Variants in ZHX3 observed in about 807,000 individuals in gnomAD.
ZHX3 encodes the protein zinc fingers and homeoboxes 3.
In ZHX3, 20 loss-of-function variants were observed where a neutral mutation model predicts 64.5. The ratio of observed to expected loss-of-function variants is 0.31; its 90% CI spans 0.22 to 0.45. The LOEUF (loss-of-function observed/expected upper bound fraction) is 0.45, where lower values mean the gene tolerates loss of function less well. Among genes scored for constraint, ZHX3 ranks in the 20% least tolerant of loss-of-function variants. The pLI, the probability that ZHX3 is intolerant of heterozygous loss-of-function variation, is 1.00. For missense variants in ZHX3, 1,041 were observed against 1,195.8 expected (o/e 0.87, Z 1.91); for synonymous variants, 423 against 461.6 (o/e 0.92, Z 1.07).
At chr20:41,315,709 A>G (rs1411351708) in intron 1 of ZHX3, among the ~76,000 whole-genome samples, 2 of 152,108 alleles carry the variant, frequency 1.3e-5, no homozygotes, top group Non-Finnish European at 2.9e-5. Context: ...ATCTCTCATA[A>G]TCTAGTTATA....
chr20:41,262,388 C>T (rs964695018), intron 2 of ZHX3, among the ~76,000 whole-genome samples: 4 of 152,346 alleles, frequency 2.6e-5, no homozygotes, highest in East Asian at 1.9e-4. Flanking sequence ...TCATCTCCAT[C>T]ATCTCCAGCC....
intron 2 of ZHX3, among the ~76,000 whole-genome samples, chr20:41,209,253 G>C (rs921806577): frequency 3.0e-4 from 45 of 152,246 alleles, no homozygotes; most frequent in African/African-American, 1.1e-3. Flanking sequence ...TTGTGAAAAT[G>C]GCCATACTGC....
intron 1 of ZHX3, among the ~76,000 whole-genome samples, chr20:41,270,670 C>T (rs1033569247): frequency 3.1e-5 from 4 of 127,848 alleles, no homozygotes; most frequent in African/African-American, 1.1e-4. Context: ...AGTGAGACTC[C>T]GTCTCAGAAA....
chr20:41,301,850 C>T (rs905278317), intron 1 of ZHX3, among the ~76,000 whole-genome samples: 1 of 151,668 alleles, frequency 6.6e-6, no homozygotes, highest in Admixed American at 6.6e-5. Flanking sequence ...GTCAGGAGAT[C>T]GAGACCATCC....
At chr20:41,222,267 C>A (rs2039993644) in intron 2 of ZHX3, among the ~76,000 whole-genome samples, 1 of 152,112 alleles carries the variant, frequency 6.6e-6, no homozygotes. Flanking sequence ...ACATTGTAGC[C>A]ACGGGAATCA....
chr20:41,298,877 C>A (rs2044669365), intron 1 of ZHX3, among the ~76,000 whole-genome samples: 1 of 152,112 alleles, frequency 6.6e-6, no homozygotes, highest in Admixed American at 6.5e-5. Context: ...ATGGGAAAGA[C>A]TAAGGAAGTC....
Position 41,185,023 on chromosome 20 carries a change from G to A in ZHX3, c.*168C>T, listed in dbSNP as rs1242150172. 1.4e-5 allele frequency: 21 copies of A among 1,551,654 alleles called. No individual in the cohort carries two copies. Among genetic ancestry groups the A allele is most frequent in the Middle Eastern group, 1.7e-4 (1 of 5,992 alleles). ...CTGCTTGCTTGGTGGTGGGCAGGCCGAGGGTAGCGGCAGGCTCTGGGCTGT... is the reference window on the plus strand; with the variant it reads ...CTGCTTGCTTGGTGGTGGGCAGGCCAAGGGTAGCGGCAGGCTCTGGGCTGT... On this transcript the variant is annotated 3_prime_UTR_variant, in exon 4 of 4. Transcript: ENST00000683867. The surrounding 1 kb of genome is among the most constrained non-coding windows in gnomAD (Gnocchi z 5.0).
chr20:41,281,530 A>G (rs763233539), intron 1 of ZHX3, among the ~76,000 whole-genome samples: 5 of 152,268 alleles, frequency 3.3e-5, no homozygotes, highest in Non-Finnish European at 7.3e-5. Flanking sequence ...GTAGAAAATT[A>G]ATGAAAAACT....
At chr20:41,222,711 G>C (rs2040024388) in intron 2 of ZHX3, among the ~76,000 whole-genome samples, 1 of 152,058 alleles carries the variant, frequency 6.6e-6, no homozygotes, top group African/African-American at 2.4e-5. Flanking sequence ...CCTAAATGTT[G>C]TTCCAAGTAC....
chr20:41,216,881 G>A (rs1009242359), intron 2 of ZHX3, among the ~76,000 whole-genome samples: 5 of 152,120 alleles, frequency 3.3e-5, no homozygotes, highest in African/African-American at 1.2e-4. Flanking sequence ...TTCAGTCTTT[G>A]TTAATTTGAT....
chr20:41,222,260 T>C (rs1372537499), intron 2 of ZHX3, among the ~76,000 whole-genome samples: 1 of 152,154 alleles, frequency 6.6e-6, no homozygotes, highest in African/African-American at 2.4e-5. Context: ...GATGTGAACA[T>C]TGTAGCCACG....
rs1369389382 is a variant in ZHX3 at position 41,184,929 on chromosome 20, T to C, written c.*262A>G. 34 of 1,540,274 alleles carry C rather than the reference T, an allele frequency of 2.2e-5. No homozygotes were observed. Among genetic ancestry groups the C allele is most frequent in the Non-Finnish European group, 2.6e-5 (30 of 1,146,556 alleles). ...TGACTATGAACTCTGAACTATTTTATCCATTGGAAGGTAAAGGAAAGGTCC... is the reference window on the plus strand; with the variant it reads ...TGACTATGAACTCTGAACTATTTTACCCATTGGAAGGTAAAGGAAAGGTCC... On this transcript the variant is annotated 3_prime_UTR_variant, in exon 4 of 4. Coordinates refer to ENST00000683867, the MANE Select transcript of ZHX3 (RefSeq NM_001384317.1).
Position 41,226,853 on chromosome 20 carries a change from T to C in ZHX3, c.-150-21787A>G, listed in dbSNP as rs1244514764. ...CCAGAGAAGGGTACTGCCCCAGGTC[T>C]GAGCAGAATGAAGCTGCAGGTACTC... On this transcript the variant is annotated intron_variant, in intron 2 of 3. Transcript: ENST00000683867. This position sits in a 1 kb window ranked among gnomAD's most constrained non-coding sequence, Gnocchi z 4.4. Among the ~76,000 whole-genome samples the C allele has an allele frequency of 2.0e-5, 3 of 152,230 alleles. No individual in the cohort carries two copies. The highest frequency in any genetic ancestry group is 7.2e-5 in the African/African-American group (3 of 41,462).
At chr20:41,220,742 G>A (rs945179782) in intron 2 of ZHX3, among the ~76,000 whole-genome samples, 2 of 151,934 alleles carry the variant, frequency 1.3e-5, no homozygotes, top group Admixed American at 6.6e-5. Context: ...CACCCAGGCT[G>A]GAGTGCAGTG....
intron 2 of ZHX3, among the ~76,000 whole-genome samples, chr20:41,259,050 A>C (rs1244332920): frequency 6.6e-6 from 1 of 152,202 alleles, no homozygotes; most frequent in Non-Finnish European, 1.5e-5. Flanking sequence ...TGGAGCTCTC[A>C]TAACCCCACC....
chr20:41,197,996 GCTCT>G (rs1457587605), intron 3 of ZHX3, among the ~76,000 whole-genome samples: 3 of 142,696 alleles, frequency 2.1e-5, no homozygotes, highest in South Asian at 2.2e-4. Flanking sequence ...CTTAACTAGT[GCTCT>G]TTTTTTTTTT....
chr20:41,291,744 C>T (rs1163964997), intron 1 of ZHX3, among the ~76,000 whole-genome samples: 1 of 151,386 alleles, frequency 6.6e-6, no homozygotes, highest in African/African-American at 2.4e-5. Flanking sequence ...TATGGGCCAT[C>T]AATTAAAAGT....
intron 3 of ZHX3, among the ~76,000 whole-genome samples, chr20:41,188,710 C>G (rs1600704504): frequency 6.6e-6 from 1 of 152,104 alleles, no homozygotes; most frequent in Non-Finnish European, 1.5e-5. Flanking sequence ...CTTTTGCCCA[C>G]TTTTTAATAT....
intron 1 of ZHX3, among the ~76,000 whole-genome samples, chr20:41,299,385 T>C (rs1447171865): frequency 1.3e-5 from 2 of 152,192 alleles, no homozygotes; most frequent in Non-Finnish European, 2.9e-5. Context: ...GCTTTTTTGC[T>C]CTGCTAGGCT....
Sources: gnomAD v4.1 joint callset for allele counts (sites outside exome capture counted in the v4.1 genomes callset) on GRCh38, gnomAD v4.1.1 for gene constraint, Gnocchi (gnomAD v3.1) non-coding constraint, MANE v1.5 for transcripts, NCBI Gene and HGNC (gene_info 2026-07-23, HGNC 2026-07-21) for gene names.